The following MED16 variants were observed in gnomAD, a reference collection of about 807,000 sequenced individuals.
MED16 encodes mediator of RNA polymerase II transcription subunit 16.
A neutral mutation model predicts 84.4 loss-of-function variants in MED16; 81 were observed. That is an observed-to-expected ratio of 0.96 (90% CI 0.80 to 1.15). The LOEUF (loss-of-function observed/expected upper bound fraction) is 1.15. Ranked by LOEUF, MED16 falls within the 50% of genes most tolerant of loss-of-function variation. The pLI is 0.00. For synonymous variants in MED16, 897 were observed against 552.2 expected, an observed-to-expected ratio of 1.62 and a Z score of -8.76; for missense variants, 1,585 against 1,245.9, an observed-to-expected ratio of 1.27 and a Z score of -4.10.
At position 875,468 on chromosome 19, in the gene MED16, G is replaced by A. The variant is rs1296531644; in HGVS notation, c.1561-14C>T. On this transcript the variant is annotated splice_polypyrimidine_tract_variant and intron_variant, in intron 9 of 15. Transcript: ENST00000325464. ...GGTGGAGAGGACCTGAGGGCAGGAA[G>A]CCAGGTCACCCCAAGGGGCCGGAGC... 5.7e-6 allele frequency: 9 copies of A among 1,592,318 alleles called. No homozygotes were observed. In the Admixed American group the frequency reaches 6.8e-5, roughly 12 times the overall value.
chr19:882,048 G>A (rs374480162), intron 6 of MED16, among the ~76,000 whole-genome samples: 3 of 152,140 alleles, frequency 2.0e-5, no homozygotes, highest in East Asian at 1.9e-4. Context: ...ACACTCGCTC[G>A]GCCTTAGCCA....
chr19:886,032 AGGCTCTCGGT>A lies in MED16; in HGVS notation c.607_616del (p.Thr203CysfsTer41). ...GGCCACGCGGCCGCGCAGCCGGCACAGGCTCTCGGTGGACGTCAGCACCTGCCCGCTGGGC... is the reference window on the plus strand; with the variant it reads ...GGCCACGCGGCCGCGCAGCCGGCACAGGACGTCAGCACCTGCCCGCTGGGC... On this transcript the variant is annotated frameshift_variant, in exon 5 of 16. Coordinates refer to ENST00000325464, the MANE Select transcript of MED16 (RefSeq NM_005481.3). LOFTEE classifies it high-confidence loss of function. 6.3e-7 allele frequency: 1 copy of A among 1,596,712 alleles called. No individual in the cohort carries two copies. The highest frequency in any genetic ancestry group is 8.5e-7 in the Non-Finnish European group (1 of 1,174,662).
At chr19:883,127 G>A (rs757928487) in intron 6 of MED16, among the ~76,000 whole-genome samples, 2 of 152,352 alleles carry the variant, frequency 1.3e-5, no homozygotes, top group Admixed American at 1.3e-4. Context: ...TGACGGCTGC[G>A]GTCAGCATTC....
chr19:892,881 A>AGCCCCGC (rs568145217), intron 1 of MED16: 5,672 of 137,712 alleles, frequency 0.041, 172 homozygotes, highest in East Asian at 0.093. Flanking sequence ...CTGAGCCCCG[A>AGCCCCGC]GCCCCGCGCC....
At chr19:890,310 A>C in intron 2 of MED16, 66 bp from the exon 3 acceptor site, 1 of 1,174,328 alleles carries the variant, frequency 8.5e-7, no homozygotes, top group Admixed American at 2.7e-5. Flanking sequence ...CGATGACTCC[A>C]GGCAGGCTCC....
chr19:892,773 C>T (rs2036663892), intron 1 of MED16: 1 of 152,784 alleles, frequency 6.5e-6, no homozygotes, highest in South Asian at 2.0e-4. Context: ...CCCGAAGTCC[C>T]ACCAAGCGCC....
rs529374487 is a variant in MED16, at chr19:880,850, A to G, written c.1142-702T>C. 2.9e-3 allele frequency among the ~76,000 whole-genome samples: 431 copies of G among 149,980 alleles called. 1 individual carries two copies. Among genetic ancestry groups the G allele is most frequent in the African/African-American group, 0.01 (407 of 40,688 alleles). ...GCAGGAAGGAGAATCGCTTGAACCC[A>G]GGAGGCGGAGGTTGCAGTGAGCCGA... On this transcript the variant is annotated intron_variant, in intron 7 of 15. Transcript: ENST00000325464.
intron 12 of MED16, 199 bp downstream of exon 12, chr19:871,727 G>T: frequency 8.6e-7 from 1 of 1,164,176 alleles, no homozygotes; most frequent in Non-Finnish European, 1.2e-6. Context: ...TTCTGGCGGG[G>T]GGCTCAGGCA....
rs370259999 is a variant in MED16, at chr19:873,438, G to A, written c.1905+11C>T. ...GTGGGGGGCGGGGCCTTAGGGGAGA[G>A]CATGGCGCACCTGGTTGGGTAGGCT... On this transcript the variant is annotated intron_variant, in intron 11 of 15. Transcript: ENST00000325464. 5.0e-6 allele frequency: 8 copies of A among 1,605,118 alleles called. No homozygotes were observed. In the African/African-American group the frequency reaches 9.4e-5, roughly 19 times the overall value.
chr19:880,641 C>T (rs886488550), intron 7 of MED16, among the ~76,000 whole-genome samples: 2 of 152,202 alleles, frequency 1.3e-5, no homozygotes, highest in Non-Finnish European at 2.9e-5. Flanking sequence ...GCTGCAAAGC[C>T]GGGCGCGGTG....
chr19:884,050 C>T (rs980893578), intron 6 of MED16, among the ~76,000 whole-genome samples: 35 of 152,272 alleles, frequency 2.3e-4, no homozygotes, highest in African/African-American at 8.4e-4. Flanking sequence ...CCATCGGGGC[C>T]TCTTGACACG....
At chr19:869,629 C>T (rs897050263) in intron 13 of MED16, among the ~76,000 whole-genome samples, 5 of 152,186 alleles carry the variant, frequency 3.3e-5, no homozygotes, top group Admixed American at 6.5e-5. Flanking sequence ...AGAGCCAAGC[C>T]AGGGCGCCTT....
chr19:892,936 GCGC>G (rs2036672317), intron 1 of MED16, 147 bp downstream of exon 1: 1 of 114,378 alleles, frequency 8.7e-6, no homozygotes, highest in Non-Finnish European at 1.8e-5. Flanking sequence ...CCCGCGCCCC[GCGC>G]CCCAGGCCGC....
In MED16 at chr19:872,081, T is replaced by C; in HGVS notation, c.1943A>G (p.Asp648Gly). The change falls in exon 12 of 16, where the codon GAC (aspartate) becomes GGC (glycine). Residue 648 changes from aspartate to glycine, a missense_variant. Transcript: ENST00000325464. ...CCGAAGCATGCCCAGCGAGGTGCCG[T>C]CCCGCAGAAAGCTGTGGCCCGGCCT... ...LLRPGHSFLR[D>G]GTSLGMLREL... 1 of 1,608,090 alleles carries C rather than the reference T, an allele frequency of 6.2e-7. No homozygotes were observed. Among genetic ancestry groups the C allele is most frequent in the Admixed American group, 1.7e-5 (1 of 59,628 alleles).
rs772086033 is a variant in MED16, at chr19:868,215, G to C, written c.2520C>G (p.Thr840=). 6.2e-7 allele frequency: 1 copy of C among 1,601,588 alleles called. No homozygotes were observed. Among genetic ancestry groups the C allele is most frequent in the Non-Finnish European group, 8.5e-7 (1 of 1,175,132 alleles). Residue 840 remains threonine (T), a synonymous_variant, in exon 16 of 16, where the codon ACC becomes ACG. Coordinates refer to ENST00000325464, the MANE Select transcript of MED16 (RefSeq NM_005481.3). ...CAGGGGCTTCCTCAGAAGCTCTGCT[G>C]GTCACGCAGGCGTCCGGCCCACGGC... ...VEGRGPDACV[T]SRASEEAPAF...
At chr19:889,543 G>T in intron 4 of MED16, 95 bp downstream of exon 4, 3 of 1,465,986 alleles carry the variant, frequency 2.0e-6, no homozygotes, top group Non-Finnish European at 2.8e-6. Flanking sequence ...CAAAAAACCA[G>T]GGGATGCTGG....
At chr19:872,189 G>T in intron 11 of MED16, 71 bp from the exon 12 acceptor site, 1 of 1,405,608 alleles carries the variant, frequency 7.1e-7, no homozygotes, top group South Asian at 1.3e-5. Context: ...GTGTCTTGGG[G>T]TCGGTGGAAC....
intron 10 of MED16, among the ~76,000 whole-genome samples, chr19:874,987 ACC>A (rs1211281913): frequency 2.7e-5 from 4 of 150,064 alleles, no homozygotes; most frequent in Non-Finnish European, 4.4e-5. Context: ...ACATGGTGAA[ACC>A]CCGTCTCTAC....
At position 889,718 on chromosome 19, in the gene MED16, CCACT is replaced by C; in HGVS notation, c.363_366del (p.Val122AlafsTer3). 6.2e-7 allele frequency: 1 copy of C among 1,613,754 alleles called. No individual in the cohort carries two copies. Among genetic ancestry groups the C allele is most frequent in the Non-Finnish European group, 8.5e-7 (1 of 1,179,952 alleles). ...ATGGGGTCCCCCTCCACTAGGCTGC[CCACT>C]GAGCTCTCCCAGCTATTAGCCAGGT... On this transcript the variant is annotated frameshift_variant, in exon 4 of 16. Coordinates refer to ENST00000325464, the MANE Select transcript of MED16 (RefSeq NM_005481.3). LOFTEE classifies it high-confidence loss of function.
Sources: allele counts gnomAD v4.1 joint callset (sites outside exome capture counted in the v4.1 genomes callset), GRCh38; gene constraint gnomAD v4.1.1; transcripts MANE v1.5; gene names NCBI Gene and HGNC (gene_info 2026-07-23, HGNC 2026-07-21).